Variants in RYR2 observed in about 807,000 individuals in gnomAD.
RYR2 encodes cardiac muscle ryanodine receptor-calcium release channel.
Under a neutral mutation model 601.1 loss-of-function variants are expected in RYR2, and 227 were observed. That is an observed-to-expected ratio of 0.38 (90% CI 0.34 to 0.42). The LOEUF (loss-of-function observed/expected upper bound fraction) is 0.42, where lower values mean the gene tolerates loss of function less well. RYR2 is among the 10% of genes least tolerant of loss of function. RYR2 has a pLI of 1.00. For synonymous variants in RYR2, 2,223 were observed against 2,175.1 expected, an observed-to-expected ratio of 1.02 and a Z score of -0.61; for missense variants, 4,646 against 6,156.5, an observed-to-expected ratio of 0.75 and a Z score of 8.21.
At chr1:237,123,495 G>A (rs1671042054) in intron 1 of RYR2, among the ~76,000 whole-genome samples, 1 of 152,028 alleles carries the variant, frequency 6.6e-6, no homozygotes, top group Admixed American at 6.6e-5. Flanking sequence ...GCTGGGGTGC[G>A]AGGATCACTT....
At chr1:237,261,433 T>A (rs1402828645) in intron 1 of RYR2, among the ~76,000 whole-genome samples, 5 of 152,216 alleles carry the variant, frequency 3.3e-5, no homozygotes, top group African/African-American at 1.2e-4. Context: ...TAGCCTAGTC[T>A]GCTCTAGCTG....
intron 1 of RYR2, among the ~76,000 whole-genome samples, chr1:237,056,517 G>A (rs962065312): frequency 1.4e-5 from 2 of 145,840 alleles, no homozygotes; most frequent in African/African-American, 5.1e-5. Flanking sequence ...CTGCACCTGT[G>A]AGGACTGGAG....
At position 237,718,469 on chromosome 1, in the gene RYR2, C is replaced by G; in HGVS notation, c.10502C>G (p.Thr3501Ser). Reference sequence around the variant, plus strand: ...ACATATATTTCTTGACAGAAAGATACCGAGGATGAAGTACGAGATATAATC... The same window carrying G: ...ACATATATTTCTTGACAGAAAGATAGCGAGGATGAAGTACGAGATATAATC... ...LAKNRFSLKD[T>S]EDEVRDIIRS... The change falls in exon 73 of 105, where the codon ACC becomes AGC. Residue 3501 changes from threonine to serine, a missense_variant. By Grantham distance (58) the Thr-to-Ser change is moderately conservative. Transcript: ENST00000366574. The G allele has an allele frequency of 1.3e-6, 2 of 1,567,834 alleles. No homozygotes were observed. Among genetic ancestry groups the G allele is most frequent in the Non-Finnish European group, 1.8e-6 (2 of 1,140,128 alleles).
intron 2 of RYR2, among the ~76,000 whole-genome samples, chr1:237,303,946 C>T (rs913877909): frequency 6.6e-6 from 1 of 152,132 alleles, no homozygotes; most frequent in Non-Finnish European, 1.5e-5. Flanking sequence ...GCCTTGTTTT[C>T]CTTTTTTTGT....
intron 71 of RYR2, among the ~76,000 whole-genome samples, chr1:237,712,806 C>T (rs1490156341): frequency 1.3e-5 from 2 of 152,068 alleles, no homozygotes; most frequent in Non-Finnish European, 2.9e-5. Flanking sequence ...CCATTTAAAG[C>T]ATTTTAAAGG....
intron 79 of RYR2, among the ~76,000 whole-genome samples, chr1:237,736,712 C>T (rs1316610137): frequency 1.3e-5 from 2 of 152,088 alleles, no homozygotes; most frequent in Non-Finnish European, 2.9e-5. Context: ...TGGCAATTGG[C>T]ATGGCACATG....
At chr1:237,099,263 G>T (rs1319814563) in intron 1 of RYR2, among the ~76,000 whole-genome samples, 1 of 151,810 alleles carries the variant, frequency 6.6e-6, no homozygotes, top group Non-Finnish European at 1.5e-5. Context: ...TTTGAGACAG[G>T]GTCTTGTTCT....
intron 2 of RYR2, among the ~76,000 whole-genome samples, chr1:237,272,373 A>G (rs1689785658): frequency 6.6e-6 from 1 of 151,932 alleles, no homozygotes; most frequent in Non-Finnish European, 1.5e-5. Flanking sequence ...ATAAGAGGCC[A>G]TGTTTCAAGT....
intron 87 of RYR2, among the ~76,000 whole-genome samples, chr1:237,776,857 A>G (rs1694705871): frequency 6.6e-6 from 1 of 152,134 alleles, no homozygotes; most frequent in African/African-American, 2.4e-5. Context: ...CAGTGCCTGG[A>G]AATGACTCTT....
chr1:237,595,647 C>T lies in RYR2; in HGVS notation c.4586C>T (p.Thr1529Ile), dbSNP rs1247493512. The T allele has an allele frequency of 6.2e-7, 1 of 1,611,552 alleles. No homozygotes were observed. The highest frequency in any genetic ancestry group is 8.5e-7 in the Non-Finnish European group (1 of 1,179,026). ...ATTGCCAATGGCAAGGAACTGAGCA[C>T]ATACTATCAGGTACGCGGTCAGTGA... is the stretch of plus-strand genomic sequence containing the variant. Reference protein sequence around the residue: ...TFIANGKELSTYYQVEPSTKL... With the variant: ...TFIANGKELSIYYQVEPSTKL... The change falls in exon 34 of 105, where the codon ACA becomes ATA. Residue 1529 changes from threonine to isoleucine, a missense_variant. Thr to Ile is a moderately conservative substitution (Grantham distance 89). Transcript: ENST00000366574.
rs144620655 is a variant in RYR2, at chr1:237,419,228, T to G, written c.848+2105T>G. Among the ~76,000 whole-genome samples the G allele has an allele frequency of 7.4e-3, 1,119 of 152,238 alleles. 6 individuals are homozygous for G. Among genetic ancestry groups the G allele is most frequent in the Middle Eastern group, 0.024 (7 of 294 alleles). ...TCAAAATTTAGAGACATACCTATACTTCATGATTGAGTGCTTAAAGAAATA... is the reference window on the plus strand; with the variant it reads ...TCAAAATTTAGAGACATACCTATACGTCATGATTGAGTGCTTAAAGAAATA... On this transcript the variant is annotated intron_variant, in intron 11 of 104. Transcript: ENST00000366574.
chr1:237,528,679 T>G (rs1339275006), intron 24 of RYR2, among the ~76,000 whole-genome samples: 1 of 152,166 alleles, frequency 6.6e-6, no homozygotes, highest in Non-Finnish European at 1.5e-5. Context: ...CAGAAGCCCT[T>G]AAGGATGAAT....
chr1:237,573,352 A>G (rs147849939), intron 29 of RYR2, among the ~76,000 whole-genome samples: 8 of 151,962 alleles, frequency 5.3e-5, no homozygotes, highest in Non-Finnish European at 8.8e-5. Flanking sequence ...ATGGCCAAGT[A>G]TATTTTGACC....
At chr1:237,168,774 C>T (rs1428120333) in intron 1 of RYR2, among the ~76,000 whole-genome samples, 2 of 152,242 alleles carry the variant, frequency 1.3e-5, no homozygotes, top group East Asian at 3.9e-4. Flanking sequence ...ATGTCGAATG[C>T]TCTACATTGT....
chr1:237,247,058 A>G (rs1298477068), intron 1 of RYR2, among the ~76,000 whole-genome samples: 1 of 152,204 alleles, frequency 6.6e-6, no homozygotes, highest in Non-Finnish European at 1.5e-5. Flanking sequence ...TATTTTGTCT[A>G]GTAGTAGCAC....
intron 4 of RYR2, among the ~76,000 whole-genome samples, chr1:237,363,218 TTA>T (rs1699927623): frequency 6.6e-6 from 1 of 152,116 alleles, no homozygotes; most frequent in Admixed American, 6.6e-5. Context: ...ATCTCTACCA[TTA>T]GTGAGTCACA....
chr1:237,615,635 T>C (rs1052615041), intron 37 of RYR2, among the ~76,000 whole-genome samples: 2 of 152,190 alleles, frequency 1.3e-5, no homozygotes, highest in African/African-American at 4.8e-5. Context: ...TGCTCCTCGT[T>C]CCTTTAGTCA....
chr1:237,475,386 AAGC>A (rs1315802575), intron 17 of RYR2, among the ~76,000 whole-genome samples: 1 of 152,172 alleles, frequency 6.6e-6, no homozygotes, highest in Non-Finnish European at 1.5e-5. Context: ...TAAAATTTCT[AAGC>A]AGGCTTTCAT....
intron 10 of RYR2, among the ~76,000 whole-genome samples, chr1:237,396,153 G>A (rs10925402): frequency 0.81 from 123,537 of 152,140 alleles, 50,426 homozygotes; most frequent in East Asian, 0.99. Context: ...AATTTTGACA[G>A]TTCCTGAAGG....
Sources: allele counts gnomAD v4.1 joint callset (sites outside exome capture counted in the v4.1 genomes callset), GRCh38; gene constraint gnomAD v4.1.1; transcripts MANE v1.5; gene names NCBI Gene and HGNC (gene_info 2026-07-23, HGNC 2026-07-21).